The following VKORC1L1 variants were observed in gnomAD, a reference collection of about 807,000 sequenced individuals.
The protein encoded by VKORC1L1 is vitamin K epoxide reductase complex subunit 1L1.
VKORC1L1 carries 2 observed loss-of-function variants against 18.9 expected under a neutral mutation model. The observed-to-expected ratio is 0.11, with a 90% CI of 0.04 to 0.33. VKORC1L1 has a LOEUF of 0.33. Among genes scored for constraint, VKORC1L1 ranks in the 10% least tolerant of loss-of-function variants. The pLI, the probability that VKORC1L1 is intolerant of heterozygous loss-of-function variation, is 1.00. For missense variants in VKORC1L1, 123 were observed against 224.1 expected (o/e 0.55, Z 2.88); for synonymous variants, 96 against 100.0 (o/e 0.96, Z 0.24).
chr7:65,881,789 TAAA>T (rs1788932116), intron 1 of VKORC1L1, among the ~76,000 whole-genome samples: 1 of 152,202 alleles, frequency 6.6e-6, no homozygotes, highest in Admixed American at 6.6e-5. Context: ...AATTTTAAAA[TAAA>T]AAGTTGGCCA....
chr7:65,873,248 CGGCGGCGGT>C lies in VKORC1L1; in HGVS notation c.-121_-113del, dbSNP rs1788756149. The stretch of plus-strand genomic sequence containing the variant: ...CCGAGCCAATGGGGCGCGGCGGCGG[CGGCGGCGGT>C]GGTGGCGGCGGCGGCGGAGGCGGCG... On this transcript the variant is annotated 5_prime_UTR_variant, in exon 1 of 3. Coordinates refer to ENST00000360768, the MANE Select transcript of VKORC1L1 (RefSeq NM_173517.6). The C allele has an allele frequency of 2.1e-6, 2 of 974,216 alleles. No homozygotes were observed. Among genetic ancestry groups the C allele is most frequent in the Admixed American group, 6.3e-5 (1 of 15,786 alleles). 60.3% of individuals were successfully genotyped at this position (974,216 alleles called of 1,614,324 possible). A position where few individuals can be genotyped will look rare whatever the true frequency, so the allele number is the denominator to read the frequency against.
intron 1 of VKORC1L1, among the ~76,000 whole-genome samples, chr7:65,933,026 C>T (rs570511338): frequency 1.7e-4 from 24 of 145,022 alleles, no homozygotes; most frequent in Non-Finnish European, 3.1e-4. Context: ...TGCAGTGAGC[C>T]GAGATCGCGC....
At chr7:65,946,990 A>AAT (rs1554302042) in intron 1 of VKORC1L1, among the ~76,000 whole-genome samples, 78 of 151,172 alleles carry the variant, frequency 5.2e-4, no homozygotes, top group African/African-American at 1.5e-3. Context: ...CCAAAAAAAA[A>AAT]ATATATATAT....
intron 1 of VKORC1L1, among the ~76,000 whole-genome samples, chr7:65,927,480 A>G (rs1002795648): frequency 2.0e-5 from 3 of 152,174 alleles, no homozygotes; most frequent in Non-Finnish European, 2.9e-5. Flanking sequence ...AAACAAACTC[A>G]TCTGTCCAAA....
chr7:65,937,144 G>C (rs994424035), intron 1 of VKORC1L1, among the ~76,000 whole-genome samples: 1 of 152,166 alleles, frequency 6.6e-6, no homozygotes, highest in African/African-American at 2.4e-5. Context: ...TTGTTTTGCT[G>C]TCTGACCCCT....
At chr7:65,941,946 C>A (rs535589816) in intron 1 of VKORC1L1, among the ~76,000 whole-genome samples, 1 of 152,124 alleles carries the variant, frequency 6.6e-6, no homozygotes, top group Non-Finnish European at 1.5e-5. Context: ...CAGGCGTGAG[C>A]CACTGCGCCT....
intron 1 of VKORC1L1, among the ~76,000 whole-genome samples, chr7:65,886,543 T>C (rs1789014226): frequency 6.6e-6 from 1 of 152,058 alleles, no homozygotes; most frequent in Admixed American, 6.5e-5. Flanking sequence ...TTTATTATTT[T>C]ATTTATTTTT....
chr7:65,919,321 C>T (rs1389287452), intron 1 of VKORC1L1, among the ~76,000 whole-genome samples: 1 of 152,096 alleles, frequency 6.6e-6, no homozygotes, highest in Non-Finnish European at 1.5e-5. Context: ...TATATGCTGA[C>T]CACTCCAAAA....
At chr7:65,875,139 C>T (rs1412908017) in intron 1 of VKORC1L1, among the ~76,000 whole-genome samples, 2 of 152,122 alleles carry the variant, frequency 1.3e-5, no homozygotes, top group East Asian at 1.9e-4. Flanking sequence ...GAGTAGATAA[C>T]TTATTTGCCA....
chr7:65,879,307 A>G (rs912279349), intron 1 of VKORC1L1, among the ~76,000 whole-genome samples: 2 of 152,286 alleles, frequency 1.3e-5, no homozygotes, highest in African/African-American at 4.8e-5. Context: ...TCTTAACATT[A>G]TCATTGTTTC....
At chr7:65,891,264 C>T (rs1258083996) in intron 1 of VKORC1L1, among the ~76,000 whole-genome samples, 3 of 151,914 alleles carry the variant, frequency 2.0e-5, no homozygotes, top group Non-Finnish European at 4.4e-5. Context: ...TATGAACATT[C>T]TCATATATAC....
intron 1 of VKORC1L1, among the ~76,000 whole-genome samples, chr7:65,887,618 A>G (rs1287304928): frequency 6.6e-6 from 1 of 152,096 alleles, no homozygotes; most frequent in Non-Finnish European, 1.5e-5. Flanking sequence ...CAGCAAGTGT[A>G]CAAGCAGTCA....
intron 1 of VKORC1L1, among the ~76,000 whole-genome samples, chr7:65,940,901 G>A (rs1441819268): frequency 6.6e-6 from 1 of 152,104 alleles, no homozygotes; most frequent in African/African-American, 2.4e-5. Flanking sequence ...AAATACCAGA[G>A]CAAGGAACCT....
At chr7:65,926,863 A>G (rs1455548526) in intron 1 of VKORC1L1, among the ~76,000 whole-genome samples, 1 of 152,204 alleles carries the variant, frequency 6.6e-6, no homozygotes, top group African/African-American at 2.4e-5. Context: ...GGGAAAACCA[A>G]AAACAATATG....
At chr7:65,947,677 T>A (rs1790144405) in intron 1 of VKORC1L1, among the ~76,000 whole-genome samples, 1 of 152,084 alleles carries the variant, frequency 6.6e-6, no homozygotes, top group Non-Finnish European at 1.5e-5. Context: ...AGACCTATAG[T>A]TTCTGATATT....
chr7:65,936,436 CTTTGT>C (rs1211502321), intron 1 of VKORC1L1, among the ~76,000 whole-genome samples: 1 of 152,092 alleles, frequency 6.6e-6, no homozygotes, highest in Non-Finnish European at 1.5e-5. Flanking sequence ...AATGATTTTG[CTTTGT>C]TTTAACAGGC....
At chr7:65,885,320 C>T (rs1788993599) in intron 1 of VKORC1L1, among the ~76,000 whole-genome samples, 2 of 152,040 alleles carry the variant, frequency 1.3e-5, no homozygotes. Flanking sequence ...ATGTGTTACA[C>T]ATTTTCTCTT....
chr7:65,913,596 G>A (rs937191937), intron 1 of VKORC1L1, among the ~76,000 whole-genome samples: 1 of 151,456 alleles, frequency 6.6e-6, no homozygotes, highest in African/African-American at 2.4e-5. Flanking sequence ...TGTGGTGGTG[G>A]GTGCCTGTAA....
At chr7:65,952,331 G>A (rs111749975) in intron 2 of VKORC1L1, among the ~76,000 whole-genome samples, 3 of 152,204 alleles carry the variant, frequency 2.0e-5, no homozygotes, top group South Asian at 4.1e-4. Context: ...CAGACATTAC[G>A]TAATGAATGA....
Sources: allele counts gnomAD v4.1 joint callset (sites outside exome capture counted in the v4.1 genomes callset), GRCh38; gene constraint gnomAD v4.1.1; transcripts MANE v1.5; gene names NCBI Gene and HGNC (gene_info 2026-07-23, HGNC 2026-07-21).